The following EPB41L4B variants were observed in gnomAD, a reference collection of about 807,000 sequenced individuals.
The protein encoded by EPB41L4B is band 4.1-like protein 4B.
A neutral mutation model predicts 112.5 loss-of-function variants in EPB41L4B; 30 were observed. The ratio of observed to expected loss-of-function variants is 0.27; its 90% CI spans 0.20 to 0.36. The LOEUF is 0.36. EPB41L4B is among the 10% of genes least tolerant of loss of function. The probability of loss-of-function intolerance (pLI) is 1.00; values close to 1 mark genes in which losing one functional copy is unlikely to be tolerated. For synonymous variants in EPB41L4B, 408 were observed against 439.7 expected, an observed-to-expected ratio of 0.93 and a Z score of 0.90; for missense variants, 1,024 against 1,133.3, an observed-to-expected ratio of 0.90 and a Z score of 1.38.
At chr9:109,182,675 C>G in intron 24 of EPB41L4B, 54 bp downstream of exon 24, 2 of 1,347,628 alleles carry the variant, frequency 1.5e-6, no homozygotes, top group Non-Finnish European at 2.1e-6. Flanking sequence ...CAGAAAAGCA[C>G]ACCGCATGGG....
intron 17 of EPB41L4B, among the ~76,000 whole-genome samples, chr9:109,211,985 G>C (rs1833197707): frequency 6.6e-6 from 1 of 151,936 alleles, no homozygotes; most frequent in South Asian, 2.1e-4. Context: ...CTCCCAAAGT[G>C]CTGGGATTAC....
intron 15 of EPB41L4B, among the ~76,000 whole-genome samples, chr9:109,217,862 T>G (rs1294610342): frequency 3.9e-5 from 6 of 152,040 alleles, no homozygotes; most frequent in Non-Finnish European, 5.9e-5. Flanking sequence ...TGTAAGCCAC[T>G]GTGCCCAGCT....
intron 18 of EPB41L4B, among the ~76,000 whole-genome samples, chr9:109,205,553 A>G (rs1473690010): frequency 1.3e-5 from 2 of 152,164 alleles, no homozygotes; most frequent in Admixed American, 1.3e-4. Flanking sequence ...CAATGAAGGT[A>G]GACTGAAAAT....
chr9:109,267,601 A>G (rs773035364), intron 3 of EPB41L4B, 50 bp from the exon 4 acceptor site: 2 of 1,228,302 alleles, frequency 1.6e-6, no homozygotes, highest in South Asian at 2.4e-5. Context: ...CCAGTTTTGA[A>G]GATCACAGGA....
At chr9:109,274,491 T>A (rs563615472) in intron 2 of EPB41L4B, among the ~76,000 whole-genome samples, 1 of 152,316 alleles carries the variant, frequency 6.6e-6, no homozygotes, top group East Asian at 1.9e-4. Context: ...GAGGACTGAA[T>A]ACACCGTAGT....
At chr9:109,290,099 G>A (rs1425591605) in intron 1 of EPB41L4B, among the ~76,000 whole-genome samples, 10 of 152,256 alleles carry the variant, frequency 6.6e-5, no homozygotes, top group Admixed American at 3.9e-4. Flanking sequence ...TACCACATGG[G>A]GCTGTGCCCT....
At chr9:109,318,375 T>C (rs1005288721) in intron 1 of EPB41L4B, among the ~76,000 whole-genome samples, 1 of 152,112 alleles carries the variant, frequency 6.6e-6, no homozygotes, top group South Asian at 2.1e-4. Context: ...CTGGAATCAG[T>C]CAGCCTTCCT....
intron 16 of EPB41L4B, among the ~76,000 whole-genome samples, chr9:109,215,192 TC>T (rs1284981868): frequency 6.6e-6 from 1 of 152,182 alleles, no homozygotes; most frequent in Non-Finnish European, 1.5e-5. Flanking sequence ...CTACCCTATT[TC>T]ATGGATGAGA....
At chr9:109,180,052 GC>G (rs1296007306) in intron 24 of EPB41L4B, among the ~76,000 whole-genome samples, 9 of 152,140 alleles carry the variant, frequency 5.9e-5, no homozygotes, top group Non-Finnish European at 1.0e-4. Flanking sequence ...ACATGGTTGT[GC>G]CCCTCCAGTT....
At chr9:109,297,527 G>C (rs1396876658) in intron 1 of EPB41L4B, among the ~76,000 whole-genome samples, 1 of 152,182 alleles carries the variant, frequency 6.6e-6, no homozygotes, top group Non-Finnish European at 1.5e-5. Flanking sequence ...GTGATTTGAG[G>C]ATGAAATGAG....
intron 1 of EPB41L4B, among the ~76,000 whole-genome samples, chr9:109,318,945 C>T (rs1356640554): frequency 1.3e-5 from 2 of 152,194 alleles, no homozygotes; most frequent in African/African-American, 2.4e-5. Flanking sequence ...ATCTGAGACC[C>T]TTTTCACATG....
In EPB41L4B at chr9:109,251,499, A is replaced by C; in HGVS notation, c.1292T>G (p.Val431Gly). The C allele has an allele frequency of 1.2e-6, 2 of 1,614,104 alleles. No homozygotes were observed. Among genetic ancestry groups the C allele is most frequent in the Non-Finnish European group, 1.7e-6 (2 of 1,179,924 alleles). ...CACTCACCAGAGCTGGGCTGCTATC[A>C]CTGGGTTGCTTGCTATAAAGGAAAA... The part of the protein sequence containing the change: ...RHSTFKASNP[V>G]IAAQLCSKTN... Residue 431 changes from valine to glycine, a missense_variant, in exon 13 of 26, where the codon GTG becomes GGG. Transcript: ENST00000374566.
chr9:109,268,949 G>A (rs915296079), intron 2 of EPB41L4B, among the ~76,000 whole-genome samples: 11 of 150,036 alleles, frequency 7.3e-5, no homozygotes, highest in Non-Finnish European at 1.6e-4. Flanking sequence ...GCATTTTTCT[G>A]GGGAGGGGAC....
chr9:109,273,712 T>G (rs1835711201), intron 2 of EPB41L4B, among the ~76,000 whole-genome samples: 1 of 152,196 alleles, frequency 6.6e-6, no homozygotes, highest in African/African-American at 2.4e-5. Flanking sequence ...AGCCTCAGTT[T>G]CAGCCCCTGT....
intron 18 of EPB41L4B, among the ~76,000 whole-genome samples, chr9:109,205,528 T>C: frequency 6.6e-6 from 1 of 152,194 alleles, no homozygotes; most frequent in Non-Finnish European, 1.5e-5. Context: ...AGTATAAAAA[T>C]GGCATACCTG....
At chr9:109,245,293 C>T (rs1000474876) in intron 14 of EPB41L4B, among the ~76,000 whole-genome samples, 1 of 152,204 alleles carries the variant, frequency 6.6e-6, no homozygotes, top group Non-Finnish European at 1.5e-5. Context: ...ACTGGACCCT[C>T]TATGTTTTCC....
chr9:109,182,782 C>A lies in EPB41L4B; in HGVS notation c.2434G>T (p.Val812Phe), dbSNP rs748674160. Residue 812 changes from valine (V) to phenylalanine (F), a missense_variant, in exon 24 of 26, where the codon GTT becomes TTT. Transcript: ENST00000374566. The stretch of plus-strand genomic sequence containing the variant: ...TCAGGAAACGGGTTCATTGTATCAA[C>A]CGGGAATGTTTTTATCTTCAAAAGA... ...IKTRLIKTFP[V>F]DTMNPFPDTF... 10 of 1,611,844 alleles carry A rather than the reference C, an allele frequency of 6.2e-6. 1 individual carries two copies. The highest frequency in any genetic ancestry group is 1.6e-4 in the Middle Eastern group (1 of 6,082).
chr9:109,254,291 C>G (rs1269056431), intron 11 of EPB41L4B, among the ~76,000 whole-genome samples: 1 of 152,222 alleles, frequency 6.6e-6, no homozygotes, highest in African/African-American at 2.4e-5. Context: ...CGAGTAGACA[C>G]CAGCATTCTG....
intron 4 of EPB41L4B, among the ~76,000 whole-genome samples, chr9:109,265,410 C>A (rs1835365551): frequency 6.6e-6 from 1 of 152,256 alleles, no homozygotes; most frequent in Non-Finnish European, 1.5e-5. Context: ...GCCAGCTCCA[C>A]CAGCGGATTC....
Sources: allele counts gnomAD v4.1 joint callset (sites outside exome capture counted in the v4.1 genomes callset), GRCh38; gene constraint gnomAD v4.1.1; transcripts MANE v1.5; gene names NCBI Gene and HGNC (gene_info 2026-07-23, HGNC 2026-07-21).